Variants in QKI observed in about 807,000 individuals in gnomAD.
QKI encodes KH domain-containing RNA-binding protein QKI.
In QKI, 10 loss-of-function variants were observed where a neutral mutation model predicts 39.0. That is an observed-to-expected ratio of 0.26 (90% CI 0.16 to 0.43). QKI has a LOEUF of 0.43. Among genes scored for constraint, QKI ranks in the 20% least tolerant of loss-of-function variants. The pLI, the probability that QKI is intolerant of heterozygous loss-of-function variation, is 1.00. For missense variants in QKI, 218 were observed against 428.0 expected (o/e 0.51, Z 4.33); for synonymous variants, 204 against 155.4 (o/e 1.31, Z -2.33).
At chr6:163,529,173 T>C (rs1403450836) in intron 3 of QKI, among the ~76,000 whole-genome samples, 2 of 152,026 alleles carry the variant, frequency 1.3e-5, no homozygotes, top group African/African-American at 4.8e-5. Flanking sequence ...GTACACCTGG[T>C]AACTAAGGAG....
At chr6:163,565,971 A>G in intron 6 of QKI, 2 of 1,613,442 alleles carry the variant, frequency 1.2e-6, no homozygotes, top group Middle Eastern at 1.7e-4. Context: ...CGAAAGGCTA[A>G]GAATTCAAGA....
intron 3 of QKI, among the ~76,000 whole-genome samples, chr6:163,482,277 G>A (rs1793130441): frequency 6.6e-6 from 1 of 152,160 alleles, no homozygotes; most frequent in Admixed American, 6.5e-5. Context: ...GATAACTTCA[G>A]ACATACTAGA....
chr6:163,481,332 T>C (rs1012262328), intron 3 of QKI, among the ~76,000 whole-genome samples: 5 of 152,074 alleles, frequency 3.3e-5, no homozygotes, highest in African/African-American at 1.2e-4. Context: ...CACAAAATGC[T>C]ACGATGGGAA....
chr6:163,517,103 A>G (rs956424823), intron 3 of QKI, among the ~76,000 whole-genome samples: 2 of 93,576 alleles, frequency 2.1e-5, no homozygotes, highest in Non-Finnish European at 4.8e-5. Flanking sequence ...CTCTCTCTCT[A>G]GCTCTCTCTA....
At chr6:163,528,710 T>C (rs1473823389) in intron 3 of QKI, among the ~76,000 whole-genome samples, 1 of 152,134 alleles carries the variant, frequency 6.6e-6, no homozygotes, top group Non-Finnish European at 1.5e-5. Flanking sequence ...ATGATAATCA[T>C]TAATAATTGT....
intron 4 of QKI, among the ~76,000 whole-genome samples, chr6:163,551,152 A>G (rs1367747230): frequency 3.9e-5 from 6 of 152,164 alleles, no homozygotes; most frequent in Non-Finnish European, 8.8e-5. Context: ...TTCTCCTACT[A>G]TACTCTCACA....
chr6:163,486,948 A>G (rs1164288258), intron 3 of QKI, among the ~76,000 whole-genome samples: 1 of 152,240 alleles, frequency 6.6e-6, no homozygotes, highest in Non-Finnish European at 1.5e-5. Context: ...ATGCAAAAAT[A>G]AATTTCCTTG....
At chr6:163,484,779 G>T (rs1395773292) in intron 3 of QKI, among the ~76,000 whole-genome samples, 2 of 152,102 alleles carry the variant, frequency 1.3e-5, no homozygotes, top group African/African-American at 2.4e-5. Context: ...TAATTTCAAA[G>T]ATTACTATCT....
At chr6:163,449,354 T>G (rs1183759568) in intron 1 of QKI, among the ~76,000 whole-genome samples, 1 of 152,218 alleles carries the variant, frequency 6.6e-6, no homozygotes, top group Non-Finnish European at 1.5e-5. Flanking sequence ...AATGACACAG[T>G]GACCTTTTCA....
chr6:163,490,524 G>A (rs1306452084), intron 3 of QKI, among the ~76,000 whole-genome samples: 5 of 152,064 alleles, frequency 3.3e-5, no homozygotes, highest in African/African-American at 1.2e-4. Context: ...TAAGTAAAAT[G>A]GTATTCTAGA....
chr6:163,576,674 G>A lies in QKI; in HGVS notation c.*5964G>A, dbSNP rs1744052448. ...AAATGCAATAAACCAACTGGAAAAA[G>A]TGCATGTGCTTCATCCTCTCAAGCC... is the stretch of plus-strand genomic sequence containing the variant. On this transcript the variant is annotated 3_prime_UTR_variant, in exon 8 of 8. Coordinates refer to ENST00000361752, the MANE Select transcript of QKI (RefSeq NM_006775.3). 6.6e-6 allele frequency: 1 copy of A among 152,118 alleles called. No individual in the cohort carries two copies. Among genetic ancestry groups the A allele is most frequent in the Non-Finnish European group, 1.5e-5 (1 of 68,020 alleles). The allele number at this position is 152,118 out of a possible 1,614,324, so 9.4% of individuals were successfully genotyped here. A position where few individuals can be genotyped will look rare whatever the true frequency, so the allele number is the denominator to read the frequency against.
At chr6:163,540,338 T>G (rs1781435252) in intron 4 of QKI, among the ~76,000 whole-genome samples, 1 of 152,180 alleles carries the variant, frequency 6.6e-6, no homozygotes, top group South Asian at 2.1e-4. Flanking sequence ...CAGAAAAGAC[T>G]AATAAATCTG....
chr6:163,549,621 A>G (rs1363027499), intron 4 of QKI, among the ~76,000 whole-genome samples: 4 of 152,232 alleles, frequency 2.6e-5, no homozygotes, highest in Non-Finnish European at 5.9e-5. Context: ...CTGAGGCACA[A>G]GAATCATTTG....
At chr6:163,424,714 C>T (rs1488223914) in intron 1 of QKI, among the ~76,000 whole-genome samples, 1 of 151,770 alleles carries the variant, frequency 6.6e-6, no homozygotes, top group East Asian at 1.9e-4. Context: ...TCACTGCAAC[C>T]TCTGTCTCCC....
chr6:163,438,516 T>C (rs1789487797), intron 1 of QKI, among the ~76,000 whole-genome samples: 1 of 152,224 alleles, frequency 6.6e-6, no homozygotes, highest in Admixed American at 6.5e-5. Flanking sequence ...CTGTATGGTA[T>C]AGCCTTTTTT....
intron 1 of QKI, among the ~76,000 whole-genome samples, chr6:163,441,893 A>T (rs1052173749): frequency 1.2e-4 from 18 of 152,148 alleles, no homozygotes; most frequent in Non-Finnish European, 1.8e-4. Context: ...GGGCAAGGGG[A>T]GCCTGTGTGG....
chr6:163,528,188 T>C (rs1024387351), intron 3 of QKI, among the ~76,000 whole-genome samples: 1 of 152,170 alleles, frequency 6.6e-6, no homozygotes, highest in Non-Finnish European at 1.5e-5. Context: ...AATAATCTCA[T>C]CTACCCCTTT....
intron 5 of QKI, among the ~76,000 whole-genome samples, chr6:163,562,579 C>A (rs748699245): frequency 6.6e-6 from 1 of 151,920 alleles, no homozygotes; most frequent in South Asian, 2.1e-4. Flanking sequence ...ACTCTTTTTC[C>A]GTCCTATTTT....
chr6:163,456,380 C>T (rs1221765437), intron 2 of QKI, among the ~76,000 whole-genome samples: 1 of 152,062 alleles, frequency 6.6e-6, no homozygotes, highest in African/African-American at 2.4e-5. Flanking sequence ...TGCTGTATCC[C>T]TCATAATATT....
Sources: allele counts gnomAD v4.1 joint callset (sites outside exome capture counted in the v4.1 genomes callset), GRCh38; gene constraint gnomAD v4.1.1; transcripts MANE v1.5; gene names NCBI Gene and HGNC (gene_info 2026-07-23, HGNC 2026-07-21).